RAD51B: variants seen among roughly 807,000 people sequenced by gnomAD.
RAD51B encodes RAD51 paralog B.
Under a neutral mutation model 42.2 loss-of-function variants are expected in RAD51B, and 38 were observed. The ratio of observed to expected loss-of-function variants is 0.90; its 90% CI spans 0.70 to 1.18. The LOEUF is 1.18. RAD51B is among the 50% of genes most tolerant of loss of function. The pLI is 0.00. For synonymous variants in RAD51B, 154 were observed against 145.2 expected (o/e 1.06, Z -0.43); for missense variants, 373 against 400.7 (o/e 0.93, Z 0.59).
chr14:67,976,374 T>C (rs544973948), intron 7 of RAD51B, among the ~76,000 whole-genome samples: 4 of 152,208 alleles, frequency 2.6e-5, no homozygotes, highest in African/African-American at 9.6e-5. Flanking sequence ...CATGTTGGCC[T>C]CCCAGCATGC....
chr14:68,558,422 G>A (rs1245037570), intron 10 of RAD51B, among the ~76,000 whole-genome samples: 1 of 152,230 alleles, frequency 6.6e-6, no homozygotes, highest in African/African-American at 2.4e-5. Context: ...GAAAACAACA[G>A]AAATTGATTG....
At chr14:68,303,452 T>A (rs2081789463) in intron 8 of RAD51B, among the ~76,000 whole-genome samples, 2 of 47,766 alleles carry the variant, frequency 4.2e-5, no homozygotes, top group Admixed American at 2.3e-4. Context: ...GAATATAAAG[T>A]ATAATAAAAA....
At chr14:67,827,548 T>C (rs2140282890) in intron 3 of RAD51B, among the ~76,000 whole-genome samples, 1 of 152,180 alleles carries the variant, frequency 6.6e-6, no homozygotes, top group South Asian at 2.1e-4. Context: ...ATGTGTGCCA[T>C]GGTGGTTTGC....
At chr14:68,664,960 A>G (rs1054090524) in intron 11 of RAD51B, among the ~76,000 whole-genome samples, 1 of 152,122 alleles carries the variant, frequency 6.6e-6, no homozygotes, top group African/African-American at 2.4e-5. Flanking sequence ...CTCTCCTGAG[A>G]GCCCTAAGCC....
chr14:67,994,819 A>G (rs2075354514), intron 7 of RAD51B, among the ~76,000 whole-genome samples: 1 of 152,270 alleles, frequency 6.6e-6, no homozygotes, highest in South Asian at 2.1e-4. Flanking sequence ...TTCTACACTC[A>G]TGTTTATAGC....
intron 10 of RAD51B, among the ~76,000 whole-genome samples, chr14:68,578,161 C>T (rs1174059538): frequency 6.6e-6 from 1 of 152,142 alleles, no homozygotes; most frequent in African/African-American, 2.4e-5. Context: ...CGCGGTGGCT[C>T]ATGCCTGTAA....
chr14:68,485,787 G>A (rs1468086792), intron 10 of RAD51B, among the ~76,000 whole-genome samples: 3 of 152,204 alleles, frequency 2.0e-5, no homozygotes, highest in African/African-American at 7.2e-5. Context: ...GAAGGACTCG[G>A]TTTGGATCAA....
At chr14:67,952,619 G>A (rs2074474904) in intron 7 of RAD51B, among the ~76,000 whole-genome samples, 1 of 151,910 alleles carries the variant, frequency 6.6e-6, no homozygotes, top group South Asian at 2.1e-4. Flanking sequence ...AAAAAAGTAA[G>A]TGACATCACA....
At chr14:68,578,433 G>A (rs1890062515) in intron 10 of RAD51B, among the ~76,000 whole-genome samples, 1 of 152,142 alleles carries the variant, frequency 6.6e-6, no homozygotes, top group South Asian at 2.1e-4. Flanking sequence ...AACAAAAAAA[G>A]GAGAAAGAAA....
chr14:67,921,171 A>G (rs922393377), intron 7 of RAD51B, among the ~76,000 whole-genome samples: 6 of 152,210 alleles, frequency 3.9e-5, no homozygotes, highest in African/African-American at 1.4e-4. Context: ...CAGACCTGGA[A>G]AATCAGAGTC....
At chr14:68,513,925 C>T (rs764377189) in intron 10 of RAD51B, among the ~76,000 whole-genome samples, 4 of 152,198 alleles carry the variant, frequency 2.6e-5, no homozygotes, top group Non-Finnish European at 5.9e-5. Flanking sequence ...GAAGATTTCC[C>T]TTATGGCAGG....
At chr14:68,615,351 CT>C (rs528170840), downstream of RAD51B, among the ~76,000 whole-genome samples, 112 of 145,524 alleles carry the variant, frequency 7.7e-4, no homozygotes, top group Admixed American at 2.0e-3. Flanking sequence ...TTAAATTTTT[CT>C]TTTTTTTTTT....
intron 8 of RAD51B, among the ~76,000 whole-genome samples, chr14:68,358,025 C>A (rs763780326): frequency 1.3e-5 from 2 of 152,034 alleles, no homozygotes; most frequent in African/African-American, 4.8e-5. Flanking sequence ...AATAGAGAGG[C>A]CTGAGAAGAG....
intron 4 of RAD51B, among the ~76,000 whole-genome samples, chr14:67,844,282 G>A (rs1429277751): frequency 1.3e-5 from 2 of 151,868 alleles, no homozygotes; most frequent in Non-Finnish European, 2.9e-5. Flanking sequence ...TGTGTGGTCA[G>A]TGTTAGAACA....
intron 7 of RAD51B, among the ~76,000 whole-genome samples, chr14:68,147,995 C>T (rs1051447632): frequency 6.6e-6 from 1 of 152,084 alleles, no homozygotes; most frequent in Non-Finnish European, 1.5e-5. Context: ...CCTTCCTTAC[C>T]TTACCCTCAT....
At chr14:68,646,158 A>G (rs1892561008) in intron 10 of RAD51B, among the ~76,000 whole-genome samples, 1 of 152,118 alleles carries the variant, frequency 6.6e-6, no homozygotes, top group Admixed American at 6.5e-5. Flanking sequence ...CATTTTCAAG[A>G]TTCTGGATGC....
At chr14:68,673,779 A>G (rs1366987223) in intron 11 of RAD51B, among the ~76,000 whole-genome samples, 5 of 151,906 alleles carry the variant, frequency 3.3e-5, no homozygotes, top group African/African-American at 1.2e-4. Flanking sequence ...ACACGTACAC[A>G]TACACATACT....
At chr14:68,675,934 T>C (rs112578758) in intron 11 of RAD51B, among the ~76,000 whole-genome samples, 20 of 152,324 alleles carry the variant, frequency 1.3e-4, no homozygotes, top group African/African-American at 4.8e-4. Flanking sequence ...ATGGCAGTAG[T>C]CAACCTAGGG....
intron 8 of RAD51B, among the ~76,000 whole-genome samples, chr14:68,312,866 G>A (rs2081989588): frequency 6.6e-6 from 1 of 152,156 alleles, no homozygotes; most frequent in African/African-American, 2.4e-5. Context: ...CTGGTTATGT[G>A]TATTAAGCTT....
Sources: allele counts gnomAD v4.1 joint callset (sites outside exome capture counted in the v4.1 genomes callset), GRCh38; gene constraint gnomAD v4.1.1; transcripts MANE v1.5; gene names NCBI Gene and HGNC (gene_info 2026-07-23, HGNC 2026-07-21).